The following RAB3GAP2 variants were observed in gnomAD, a reference collection of about 807,000 sequenced individuals.
RAB3GAP2 encodes the protein RAB3 GTPase activating non-catalytic protein subunit 2.
RAB3GAP2 carries 87 observed loss-of-function variants against 185.3 expected under a neutral mutation model. The ratio of observed to expected loss-of-function variants is 0.47; its 90% CI spans 0.39 to 0.56. RAB3GAP2 has a LOEUF of 0.56. Among genes scored for constraint, RAB3GAP2 ranks in the 20% least tolerant of loss-of-function variants. RAB3GAP2 has a pLI of 0.00. For synonymous variants in RAB3GAP2, 554 were observed against 576.1 expected (o/e 0.96, Z 0.55); for missense variants, 1,492 against 1,638.2 (o/e 0.91, Z 1.54).
intron 28 of RAB3GAP2, among the ~76,000 whole-genome samples, chr1:220,161,593 A>G (rs1438125861): frequency 6.6e-6 from 1 of 152,224 alleles, no homozygotes; most frequent in African/African-American, 2.4e-5. Flanking sequence ...ATTTAATTCC[A>G]TAACTGATGA....
At chr1:220,179,033 G>A (rs1380504598) in intron 21 of RAB3GAP2, among the ~76,000 whole-genome samples, 3 of 151,968 alleles carry the variant, frequency 2.0e-5, no homozygotes, top group Admixed American at 1.3e-4. Context: ...GAAAGTGAGG[G>A]AATGGAAAAA....
chr1:220,186,779 CAAG>C (rs557323205), intron 17 of RAB3GAP2, among the ~76,000 whole-genome samples: 8 of 152,120 alleles, frequency 5.3e-5, no homozygotes, highest in African/African-American at 1.7e-4. Context: ...AAAAGAAAAT[CAAG>C]AAGACATTTT....
chr1:220,159,706 T>C (rs995118192), intron 28 of RAB3GAP2, among the ~76,000 whole-genome samples: 1 of 152,132 alleles, frequency 6.6e-6, no homozygotes, highest in African/African-American at 2.4e-5. Flanking sequence ...TACAGTCAAA[T>C]AACTGTGTTG....
At position 220,236,039 on chromosome 1, in the gene RAB3GAP2, A is replaced by C. The variant is rs185605071; in HGVS notation, c.116-3176T>G. On this transcript the variant is annotated intron_variant, in intron 1 of 34. Transcript: ENST00000358951. Reference sequence around the variant, plus strand: ...ACAGCACTATTATTCAGCTAAGTTTAAGATATTTTTTGTAGGTTGCTCTAG... The same window carrying C: ...ACAGCACTATTATTCAGCTAAGTTTCAGATATTTTTTGTAGGTTGCTCTAG... Among the ~76,000 whole-genome samples the C allele has an allele frequency of 2.3e-3, 346 of 152,344 alleles. 2 individuals are homozygous for C. Among genetic ancestry groups the C allele is most frequent in the African/African-American group, 7.8e-3 (326 of 41,586 alleles).
At chr1:220,260,522 A>G (rs781016690) in intron 1 of RAB3GAP2, among the ~76,000 whole-genome samples, 26 of 152,202 alleles carry the variant, frequency 1.7e-4, no homozygotes, top group Middle Eastern at 3.4e-3. Context: ...ACATGTTCTG[A>G]CTTATAAGTG....
Position 220,237,884 on chromosome 1 carries a change from TA to T in RAB3GAP2, c.116-5022del, listed in dbSNP as rs372704690. 8.0e-3 allele frequency among the ~76,000 whole-genome samples: 1,072 copies of T among 133,202 alleles called. 7 individuals are homozygous for T. The highest frequency in any genetic ancestry group is 0.012 in the African/African-American group (442 of 37,604). The allele number at this position is 133,202 out of a possible 152,430, so 87.4% of individuals were successfully genotyped here. On this transcript the variant is annotated intron_variant, in intron 1 of 34. Transcript: ENST00000358951. ...ATTAACTAATAGCCATATTAAAAAG[TA>T]AAAAAAAAAAAAACAACAGGTGAAA...
intron 2 of RAB3GAP2, among the ~76,000 whole-genome samples, chr1:220,218,441 A>G (rs1659239590): frequency 6.6e-6 from 1 of 152,186 alleles, no homozygotes. Context: ...TGTGCTTCTC[A>G]AGAATGATGC....
rs376965360 is a variant in RAB3GAP2, at chr1:220,167,604, T to C, written c.2878A>G (p.Asn960Asp). The C allele has an allele frequency of 2.5e-5, 40 of 1,614,166 alleles. No individual in the cohort carries two copies. Among genetic ancestry groups the C allele is most frequent in the African/African-American group, 2.3e-4 (17 of 75,060 alleles). ...GGGTTTTCTGCATCTCTTTCTTCAT[T>C]AGCCAGTTTTAATACTTCAGGGCTG... ...DFSPEVLKLA[N>D]EERDAENPDE... The change falls in exon 25 of 35, where the codon AAT becomes GAT. Residue 960 changes from asparagine to aspartate, a missense_variant. Physicochemically the swap from Asn to Asp is conservative, Grantham distance 23 (BLOSUM62 1). Coordinates refer to ENST00000358951, the MANE Select transcript of RAB3GAP2 (RefSeq NM_012414.4).
intron 28 of RAB3GAP2, among the ~76,000 whole-genome samples, chr1:220,160,700 T>C (rs189810045): frequency 6.6e-6 from 1 of 152,326 alleles, no homozygotes; most frequent in Admixed American, 6.5e-5. Flanking sequence ...TGCTGGGATA[T>C]ACTTTCCTCT....
rs1316781192 is a variant in RAB3GAP2, at chr1:220,162,266, T to C, written c.3157A>G (p.Ile1053Val). 1 of 1,585,930 alleles carries C rather than the reference T, an allele frequency of 6.3e-7. No individual in the cohort carries two copies. Among genetic ancestry groups the C allele is most frequent in the South Asian group, 1.1e-5 (1 of 90,474 alleles). The change falls in exon 28 of 35, where the codon ATT (isoleucine) becomes GTT (valine). Residue 1053 changes from isoleucine to valine, a missense_variant and splice_region_variant. Ile to Val is a conservative substitution (Grantham distance 29). This residue lies in a region of RAB3GAP2 where 387 missense variants were observed against 455.3 expected (regional missense o/e 0.85). Transcript: ENST00000358951. The stretch of plus-strand genomic sequence containing the variant: ...AACGTATTCCACATCATCAGTGCAA[T>C]GCCTAGATAGCAAGTAAAAGTAGTA... ...QIFNAHVQNG[I>V]ALMMWNTFLV...
intron 21 of RAB3GAP2, among the ~76,000 whole-genome samples, chr1:220,180,828 C>T (rs900917594): frequency 3.9e-5 from 6 of 152,132 alleles, no homozygotes; most frequent in African/African-American, 1.4e-4. Flanking sequence ...ATGCCCAAAT[C>T]CTGGCCAAAA....
intron 1 of RAB3GAP2, among the ~76,000 whole-genome samples, chr1:220,263,515 T>C (rs1339168569): frequency 6.6e-6 from 1 of 152,140 alleles, no homozygotes; most frequent in Non-Finnish European, 1.5e-5. Flanking sequence ...TGGATAGCCA[T>C]TTCCTCTAAC....
chr1:220,230,600 A>G (rs1456494200), intron 2 of RAB3GAP2, among the ~76,000 whole-genome samples: 5 of 152,288 alleles, frequency 3.3e-5, no homozygotes, highest in African/African-American at 7.2e-5. Flanking sequence ...TTCTTAGCAC[A>G]TGATGCTCTC....
chr1:220,196,084 TA>T (rs1439125754), intron 10 of RAB3GAP2, 165 bp downstream of exon 10: 2 of 770,926 alleles, frequency 2.6e-6, no homozygotes, highest in Middle Eastern at 2.7e-4. Context: ...TCAGTTAATC[TA>T]AAGAATTTAG....
chr1:220,209,336 C>T (rs981050271), intron 7 of RAB3GAP2, among the ~76,000 whole-genome samples: 2 of 152,104 alleles, frequency 1.3e-5, no homozygotes, highest in African/African-American at 2.4e-5. Context: ...TTTGTTGTTG[C>T]ATATATAGTT....
rs1466548729 is a variant in RAB3GAP2 at position 220,162,175 on chromosome 1, G to C, written c.3225+23C>G. 6 of 1,475,610 alleles carry C rather than the reference G, an allele frequency of 4.1e-6. No individual in the cohort carries two copies. In the Admixed American group the frequency reaches 6.7e-5, roughly 16 times the overall value. 91.4% of individuals were successfully genotyped at this position (1,475,610 alleles called of 1,614,324 possible). On this transcript the variant is annotated intron_variant, in intron 28 of 34. Transcript: ENST00000358951. ...AATAAGAGAATCAAATAAATAAGAA[G>C]TCAATACATGAAACTACCTTACCTT...
chr1:220,259,577 T>C (rs1660096607), intron 1 of RAB3GAP2, among the ~76,000 whole-genome samples: 1 of 152,018 alleles, frequency 6.6e-6, no homozygotes. Context: ...CCTTACAACA[T>C]ATACAAAATT....
intron 8 of RAB3GAP2, among the ~76,000 whole-genome samples, chr1:220,204,751 A>G: frequency 1.3e-5 from 1 of 76,726 alleles, no homozygotes. Context: ...CCCACCCCAC[A>G]ACAGTCCCCG....
intron 8 of RAB3GAP2, among the ~76,000 whole-genome samples, chr1:220,203,882 T>A (rs932379626): frequency 6.6e-6 from 1 of 152,190 alleles, no homozygotes; most frequent in Admixed American, 6.5e-5. Flanking sequence ...GAAAAAAATT[T>A]TTATTGCAAT....
Sources: gnomAD v4.1 joint callset for allele counts (sites outside exome capture counted in the v4.1 genomes callset) on GRCh38, gnomAD v4.1.1 for gene constraint, gnomAD v4.1.1 regional missense constraint, MANE v1.5 for transcripts, NCBI Gene and HGNC (gene_info 2026-07-23, HGNC 2026-07-21) for gene names.